The following NR2E1 variants were observed in gnomAD, a reference collection of about 807,000 sequenced individuals.
NR2E1 encodes nuclear receptor subfamily 2 group E member 1.
In NR2E1, 5 loss-of-function variants were observed where a neutral mutation model predicts 43.6. The observed-to-expected ratio is 0.11, with a 90% CI of 0.06 to 0.24. The LOEUF is 0.24. Ranked by LOEUF, NR2E1 falls within the 10% of genes least tolerant of loss-of-function variation. The pLI is 1.00. For missense variants in NR2E1, 287 were observed against 496.7 expected (o/e 0.58, Z 4.01); for synonymous variants, 191 against 195.5 (o/e 0.98, Z 0.19).
intron 3 of NR2E1, among the ~76,000 whole-genome samples, chr6:108,175,750 G>A (rs997874325): frequency 1.3e-5 from 2 of 152,220 alleles, no homozygotes; most frequent in Non-Finnish European, 2.9e-5. Context: ...GGGCCGGGTG[G>A]CAGCTCCAGG....
intron 8 of NR2E1, among the ~76,000 whole-genome samples, chr6:108,182,774 G>A (rs1774014685): frequency 6.6e-6 from 1 of 151,936 alleles, no homozygotes; most frequent in South Asian, 2.1e-4. Flanking sequence ...GGCCAGGCAG[G>A]TCTCGAACTC....
chr6:108,183,299 G>A (rs1178369196), intron 8 of NR2E1, among the ~76,000 whole-genome samples: 1 of 148,406 alleles, frequency 6.7e-6, no homozygotes, highest in East Asian at 2.0e-4. Context: ...AAGAGTTCGA[G>A]ACCAGCCTGG....
chr6:108,183,390 A>G (rs936282432), intron 8 of NR2E1, among the ~76,000 whole-genome samples: 1 of 150,822 alleles, frequency 6.6e-6, no homozygotes, highest in Admixed American at 6.6e-5. Flanking sequence ...TATGCCATTT[A>G]AAAAAAAAGC....
At chr6:108,184,669 A>G (rs1383332311) in intron 8 of NR2E1, among the ~76,000 whole-genome samples, 1 of 152,092 alleles carries the variant, frequency 6.6e-6, no homozygotes, top group African/African-American at 2.4e-5. Flanking sequence ...GAAGTGCCAG[A>G]GAGGTGAGTG....
Position 108,166,896 on chromosome 6 carries a change from G to A in NR2E1, c.25+106G>A, listed in dbSNP as rs1773718095. 8.3e-7 allele frequency: 1 copy of A among 1,203,152 alleles called. No homozygotes were observed. The allele number at this position is 1,203,152 out of a possible 1,614,324, so 74.5% of individuals were successfully genotyped here. A position where few individuals can be genotyped will look rare whatever the true frequency, so the allele number is the denominator to read the frequency against. ...TGGAGCGCTGCGAATCTGAGCCCCT[G>A]AGAGGGATTCCAGCGGGCGTGTGCG... On this transcript the variant is annotated intron_variant, in intron 1 of 8. Transcript: ENST00000368986. The surrounding 1 kb of genome is among the most constrained non-coding windows in gnomAD (Gnocchi z 7.2).
intron 4 of NR2E1, 62 bp from the exon 5 acceptor site, chr6:108,178,033 G>C (rs1394848881): frequency 6.4e-7 from 1 of 1,565,090 alleles, no homozygotes; most frequent in African/African-American, 1.4e-5. Context: ...TTAAAAGTTT[G>C]GTTCTTCTTG....
At chr6:108,175,645 C>A (rs746450324) in intron 3 of NR2E1, among the ~76,000 whole-genome samples, 8 of 152,164 alleles carry the variant, frequency 5.3e-5, no homozygotes, top group African/African-American at 7.2e-5. Context: ...CTGTCGAGGG[C>A]GCCCCAGGCC....
At chr6:108,167,336 A>G (rs1251098934) in intron 1 of NR2E1, among the ~76,000 whole-genome samples, 1 of 152,196 alleles carries the variant, frequency 6.6e-6, no homozygotes, top group Non-Finnish European at 1.5e-5. Flanking sequence ...AATTTAAAGT[A>G]TGGCGAACCA....
Position 108,188,224 on chromosome 6 carries a change from A to G in NR2E1, c.*761A>G, listed in dbSNP as rs574696139. The stretch of plus-strand genomic sequence containing the variant: ...TTACTAAAAGAACATAAGTCAAGGG[A>G]GGATGAATAAAAACAGCAAAACCAA... On this transcript the variant is annotated 3_prime_UTR_variant, in exon 9 of 9. Transcript: ENST00000368986. The G allele has an allele frequency of 6.6e-6, 1 of 152,450 alleles. No individual in the cohort carries two copies. The highest frequency in any genetic ancestry group is 2.4e-5 in the African/African-American group (1 of 41,558). 9.4% of individuals were successfully genotyped at this position (152,450 alleles called of 1,614,324 possible).
intron 3 of NR2E1, chr6:108,176,028 G>A (rs1562404106): frequency 6.2e-6 from 1 of 160,810 alleles, no homozygotes; most frequent in Non-Finnish European, 1.4e-5. Flanking sequence ...AGCTATTTCT[G>A]TGGGGGCGGG....
chr6:108,169,039 G>C lies in NR2E1; in HGVS notation c.25+2249G>C, dbSNP rs1773760985. The C allele has an allele frequency of 6.6e-6, 1 of 152,280 alleles. No homozygotes were observed. The highest frequency in any genetic ancestry group is 2.1e-4 in the South Asian group (1 of 4,838). The allele number at this position is 152,280 out of a possible 1,614,324, so 9.4% of individuals were successfully genotyped here. Reference sequence around the variant, plus strand: ...CGGTTTTCCAGCTTCAGGAAACTCCGGCTCGCCTCACGTCGGAGCTCGCTC... The same window carrying C: ...CGGTTTTCCAGCTTCAGGAAACTCCCGCTCGCCTCACGTCGGAGCTCGCTC... On this transcript the variant is annotated intron_variant, in intron 1 of 8. Transcript: ENST00000368986. This position sits in a 1 kb window ranked among gnomAD's most constrained non-coding sequence, Gnocchi z 6.1.
At position 108,181,657 on chromosome 6, in the gene NR2E1, C is replaced by G; in HGVS notation, c.995+6C>G. 3.1e-6 allele frequency: 5 copies of G among 1,610,066 alleles called. No homozygotes were observed. Among genetic ancestry groups the G allele is most frequent in the Non-Finnish European group, 4.3e-6 (5 of 1,176,318 alleles). On this transcript the variant is annotated splice_donor_region_variant and intron_variant, in intron 8 of 8. Transcript: ENST00000368986. ...AACAGCTACATCCATACCAGGTGAC[C>G]CTTGTTTGCCTTGAACATGTACTTA...
chr6:108,178,228 C>A lies in NR2E1; in HGVS notation c.629C>A (p.Ser210Tyr). 1 of 1,614,146 alleles carries A rather than the reference C, an allele frequency of 6.2e-7. No individual in the cohort carries two copies. Among genetic ancestry groups the A allele is most frequent in the South Asian group, 1.1e-5 (1 of 91,086 alleles). The change falls in exon 5 of 9, where the codon TCT becomes TAT. Residue 210 changes from serine (S) to tyrosine (Y), a missense_variant. Ser to Tyr is a moderately radical substitution (Grantham distance 144). Transcript: ENST00000368986. ...AKSVPAFSTL[S>Y]LQDQLMLLED... ...AGTGTGCCAGCCTTCTCCACGCTGT[C>A]TTTGCAAGACCAGGTATGACCACAC...
Position 108,180,884 on chromosome 6 carries a change from G to A in NR2E1, c.817G>A (p.Ala273Thr). 1 of 1,614,058 alleles carries A rather than the reference G, an allele frequency of 6.2e-7. No individual in the cohort carries two copies. The highest frequency in any genetic ancestry group is 2.2e-5 in the East Asian group (1 of 44,882). ...AATACAGGCTTTACAAGAGGTGGTG[G>A]CTCGATTTAGACAACTCCGGTTAGA... Reference protein sequence around the residue: ...SEIQALQEVVARFRQLRLDAT... With the variant: ...SEIQALQEVVTRFRQLRLDAT... The change falls in exon 7 of 9, where the codon GCT (alanine) becomes ACT (threonine). Residue 273 changes from alanine to threonine, a missense_variant. By Grantham distance (58) the Ala-to-Thr change is moderately conservative. This residue lies in a region of NR2E1 where 119 missense variants were observed against 187.0 expected (regional missense o/e 0.64). Transcript: ENST00000368986. This position sits in a 1 kb window ranked among gnomAD's most constrained non-coding sequence, Gnocchi z 5.4.
Position 108,166,749 on chromosome 6 carries a change from G to A in NR2E1, c.-17G>A, listed in dbSNP as rs1773714858. 6.4e-7 allele frequency: 1 copy of A among 1,564,942 alleles called. No individual in the cohort carries two copies. The highest frequency in any genetic ancestry group is 1.2e-5 in the South Asian group (1 of 85,578). On this transcript the variant is annotated 5_prime_UTR_variant, in exon 1 of 9. Coordinates refer to ENST00000368986, the MANE Select transcript of NR2E1 (RefSeq NM_003269.5). This position sits in a 1 kb window ranked among gnomAD's most constrained non-coding sequence, Gnocchi z 7.2. Reference sequence around the variant, plus strand: ...TCGGGCAGCGCCCACCAACCGCTCCGCCCCGGGACAGCCAGCATGAGCAAG... The same window carrying A: ...TCGGGCAGCGCCCACCAACCGCTCCACCCCGGGACAGCCAGCATGAGCAAG...
In NR2E1 at chr6:108,169,336, A is replaced by G. The variant is rs2114670173; in HGVS notation, c.26-2122A>G. Among the ~76,000 whole-genome samples, 1 of 152,258 alleles carries G rather than the reference A, an allele frequency of 6.6e-6. No homozygotes were observed. Among genetic ancestry groups the G allele is most frequent in the South Asian group, 2.1e-4 (1 of 4,828 alleles). ...CCGGAAGCTCGGGCGGGGGAATCCG[A>G]GGAGGGGCCCCCACCCTGCACTGGT... is the stretch of plus-strand genomic sequence containing the variant. On this transcript the variant is annotated intron_variant, in intron 1 of 8. Transcript: ENST00000368986. The surrounding 1 kb of genome is among the most constrained non-coding windows in gnomAD (Gnocchi z 6.1).
chr6:108,183,369 G>A (rs1337088088), intron 8 of NR2E1, among the ~76,000 whole-genome samples: 3 of 151,650 alleles, frequency 2.0e-5, no homozygotes, highest in African/African-American at 4.8e-5. Flanking sequence ...AAGAAGAAGT[G>A]TAAATTTTAT....
rs1329765846 is a variant in NR2E1 at position 108,187,906 on chromosome 6, AT to A, written c.*446del. The A allele has an allele frequency of 1.1e-4, 20 of 187,614 alleles. No homozygotes were observed. Among genetic ancestry groups the A allele is most frequent in the Non-Finnish European group, 5.7e-5 (5 of 87,518 alleles). 11.6% of individuals were successfully genotyped at this position (187,614 alleles called of 1,614,324 possible). ...CTTCAAAACTACGTTATGTTGGAGCATTTATTTTAAAAATAATGGTAGGTTT... is the reference window on the plus strand; with the variant it reads ...CTTCAAAACTACGTTATGTTGGAGCATTATTTTAAAAATAATGGTAGGTTT... On this transcript the variant is annotated 3_prime_UTR_variant, in exon 9 of 9. Coordinates refer to ENST00000368986, the MANE Select transcript of NR2E1 (RefSeq NM_003269.5).
intron 2 of NR2E1, among the ~76,000 whole-genome samples, chr6:108,174,080 C>T (rs571424947): frequency 5.9e-5 from 9 of 152,292 alleles, no homozygotes; most frequent in African/African-American, 1.9e-4. Context: ...CTATATTTTG[C>T]TCAAGACTTG....
Sources: allele counts gnomAD v4.1 joint callset (sites outside exome capture counted in the v4.1 genomes callset), GRCh38; gene constraint gnomAD v4.1.1; regional missense constraint gnomAD v4.1.1; non-coding constraint Gnocchi (gnomAD v3.1); transcripts MANE v1.5; gene names NCBI Gene and HGNC (gene_info 2026-07-23, HGNC 2026-07-21).